Variants in RPS6KC1 observed in about 807,000 individuals in gnomAD.
The protein encoded by RPS6KC1 is inactive ribosomal protein S6 kinase delta-1.
In RPS6KC1, 54 loss-of-function variants were observed where a neutral mutation model predicts 103.8. That is an observed-to-expected ratio of 0.52 (90% CI 0.42 to 0.65). The LOEUF is 0.65. Ranked by LOEUF, RPS6KC1 falls within the 30% of genes least tolerant of loss-of-function variation. The pLI is 0.00. For synonymous variants in RPS6KC1, 439 were observed against 438.7 expected (o/e 1.00, Z -0.01); for missense variants, 1,151 against 1,253.8 (o/e 0.92, Z 1.24).
the RPS6KC1 span, among the ~76,000 whole-genome samples, chr1:213,536,797 G>C: frequency 1.3e-5 from 2 of 152,164 alleles, no homozygotes; most frequent in African/African-American, 2.4e-5. Context: ...ACCTCAATAG[G>C]GAGGCACCAG....
At chr1:213,854,511 T>C in the RPS6KC1 span, among the ~76,000 whole-genome samples, 14 of 22,988 alleles carry the variant, frequency 6.1e-4, no homozygotes, top group East Asian at 0.015. Flanking sequence ...TCTTTCTTTC[T>C]CTTTCTTTCT....
At chr1:213,660,019 G>A in the RPS6KC1 span, among the ~76,000 whole-genome samples, 2 of 152,182 alleles carry the variant, frequency 1.3e-5, no homozygotes, top group East Asian at 1.9e-4. Context: ...CTAGAGCCGG[G>A]TGTGTGTCTT....
chr1:213,757,599 G>T, the RPS6KC1 span, among the ~76,000 whole-genome samples: 1 of 152,220 alleles, frequency 6.6e-6, no homozygotes, highest in Non-Finnish European at 1.5e-5. Flanking sequence ...TCAAGGTGGA[G>T]CAGCAAGTGT....
chr1:213,244,208 A>C (rs1177249553), intron 12 of RPS6KC1, among the ~76,000 whole-genome samples: 1 of 151,904 alleles, frequency 6.6e-6, no homozygotes, highest in Non-Finnish European at 1.5e-5. Context: ...TAAAAAAAAA[A>C]ACCAGATCCT....
chr1:213,696,791 T>C, the RPS6KC1 span, among the ~76,000 whole-genome samples: 2 of 152,192 alleles, frequency 1.3e-5, no homozygotes, highest in Admixed American at 1.3e-4. Context: ...ACAGCACCTC[T>C]AGTCACCAAA....
the RPS6KC1 span, among the ~76,000 whole-genome samples, chr1:213,656,231 C>T: frequency 6.6e-6 from 1 of 152,152 alleles, no homozygotes; most frequent in East Asian, 1.9e-4. Flanking sequence ...CACTACACTG[C>T]ACTGCCAATC....
chr1:213,150,829 C>T (rs1020908834), intron 6 of RPS6KC1, among the ~76,000 whole-genome samples: 2 of 152,364 alleles, frequency 1.3e-5, no homozygotes, highest in South Asian at 4.1e-4. Context: ...AGCCGTTGGG[C>T]ACACCTCCCA....
intron 14 of RPS6KC1, among the ~76,000 whole-genome samples, chr1:213,271,435 C>T (rs2095044500): frequency 6.6e-6 from 1 of 152,092 alleles, no homozygotes; most frequent in Non-Finnish European, 1.5e-5. Flanking sequence ...TGGGGATTAA[C>T]TGTAGATGGC....
the RPS6KC1 span, among the ~76,000 whole-genome samples, chr1:213,771,639 A>G: frequency 4.6e-5 from 7 of 152,256 alleles, no homozygotes; most frequent in African/African-American, 1.7e-4. Flanking sequence ...TCACAGTAAC[A>G]GCAACTTATA....
At chr1:213,574,443 A>G in the RPS6KC1 span, among the ~76,000 whole-genome samples, 1 of 152,222 alleles carries the variant, frequency 6.6e-6, no homozygotes, top group African/African-American at 2.4e-5. Flanking sequence ...AATTTTAGTC[A>G]TTGATGGGCT....
chr1:213,530,247 C>T, the RPS6KC1 span, among the ~76,000 whole-genome samples: 1 of 152,152 alleles, frequency 6.6e-6, no homozygotes, highest in Non-Finnish European at 1.5e-5. Context: ...CCTTAGGAAG[C>T]AGACAGGATT....
the RPS6KC1 span, among the ~76,000 whole-genome samples, chr1:213,615,741 C>T: frequency 6.6e-6 from 1 of 152,236 alleles, no homozygotes; most frequent in Non-Finnish European, 1.5e-5. Context: ...AGCTGAGCTG[C>T]TGCTAAGACA....
chr1:213,338,729 T>C, the RPS6KC1 span, among the ~76,000 whole-genome samples: 1 of 151,636 alleles, frequency 6.6e-6, no homozygotes, highest in Non-Finnish European at 1.5e-5. Flanking sequence ...GAATGTGTGG[T>C]AGAAGTGATG....
the RPS6KC1 span, among the ~76,000 whole-genome samples, chr1:213,739,351 C>G: frequency 6.6e-5 from 10 of 152,246 alleles, no homozygotes; most frequent in African/African-American, 2.4e-4. Context: ...GTTGGTAAGG[C>G]TTCTGGTCAA....
At chr1:213,836,141 G>A in the RPS6KC1 span, 1 of 152,192 alleles carries the variant, frequency 6.6e-6, no homozygotes, top group East Asian at 1.9e-4. Flanking sequence ...CTTAGCAAGA[G>A]AGTAAAAAAT....
chr1:213,398,112 A>C, the RPS6KC1 span, among the ~76,000 whole-genome samples: 2 of 146,688 alleles, frequency 1.4e-5, no homozygotes, highest in South Asian at 2.2e-4. Context: ...GCTCACTGAA[A>C]CCTCCACCTC....
the RPS6KC1 span, among the ~76,000 whole-genome samples, chr1:213,742,819 T>C: frequency 6.6e-6 from 1 of 152,204 alleles, no homozygotes; most frequent in African/African-American, 2.4e-5. Flanking sequence ...AGCAGAGAAA[T>C]GAGGATTCTC....
chr1:213,248,334 C>G (rs943666607), intron 12 of RPS6KC1, among the ~76,000 whole-genome samples: 2 of 152,120 alleles, frequency 1.3e-5, no homozygotes, highest in Non-Finnish European at 2.9e-5. Flanking sequence ...AGCAAAACTT[C>G]AGCAATAGCT....
chr1:213,280,587 A>T, the RPS6KC1 span, among the ~76,000 whole-genome samples: 1,669 of 152,022 alleles, frequency 0.011, 32 homozygotes, highest in African/African-American at 0.038. Flanking sequence ...TCAGTGGGGG[A>T]TGGTTTCTGG....
Sources: gnomAD v4.1 joint callset for allele counts (sites outside exome capture counted in the v4.1 genomes callset) on GRCh38, gnomAD v4.1.1 for gene constraint, MANE v1.5 for transcripts, NCBI Gene and HGNC (gene_info 2026-07-23, HGNC 2026-07-21) for gene names.